The following WWC1 variants were observed in gnomAD, a reference collection of about 807,000 sequenced individuals.
WWC1 encodes the protein protein KIBRA.
WWC1 carries 55 observed loss-of-function variants against 138.4 expected under a neutral mutation model. That is an observed-to-expected ratio of 0.40 (90% CI 0.32 to 0.50). The LOEUF (loss-of-function observed/expected upper bound fraction) is 0.50. Ranked by LOEUF, WWC1 falls within the 20% of genes least tolerant of loss-of-function variation. The pLI, the probability that WWC1 is intolerant of heterozygous loss-of-function variation, is 0.72. For synonymous variants in WWC1, 524 were observed against 564.9 expected (o/e 0.93, Z 1.03); for missense variants, 1,226 against 1,420.4 (o/e 0.86, Z 2.20).
intron 1 of WWC1, among the ~76,000 whole-genome samples, chr5:168,300,133 T>C (rs534320166): frequency 9.5e-6 from 1 of 105,344 alleles, no homozygotes; most frequent in East Asian, 4.2e-4. Context: ...TGCACACCTT[T>C]AGGTAGAACA....
chr5:168,292,085 G>A lies in WWC1; in HGVS notation c.-68G>A. On this transcript the variant is annotated 5_prime_UTR_variant, in exon 1 of 23. Coordinates refer to ENST00000265293, the MANE Select transcript of WWC1 (RefSeq NM_015238.3). The surrounding 1 kb of genome is among the most constrained non-coding windows in gnomAD (Gnocchi z 4.4). ...GCGGCCGCCCGGGCTAAGAGCGGCCGGCTGGAGCCGCTGAGCCCCCGCTGC... is the reference window on the plus strand; with the variant it reads ...GCGGCCGCCCGGGCTAAGAGCGGCCAGCTGGAGCCGCTGAGCCCCCGCTGC... 2.1e-6 allele frequency: 3 copies of A among 1,442,774 alleles called. No homozygotes were observed. Among genetic ancestry groups the A allele is most frequent in the Non-Finnish European group, 2.7e-6 (3 of 1,101,416 alleles). The allele number at this position is 1,442,774 out of a possible 1,614,324, so 89.4% of individuals were successfully genotyped here.
At chr5:168,329,041 G>A (rs1312931619) in intron 1 of WWC1, among the ~76,000 whole-genome samples, 3 of 152,200 alleles carry the variant, frequency 2.0e-5, no homozygotes, top group South Asian at 2.1e-4. Context: ...GGTGGATGTC[G>A]TTGCTCTTTC....
chr5:168,403,072 T>C (rs1219600029), intron 5 of WWC1, among the ~76,000 whole-genome samples: 4 of 140,642 alleles, frequency 2.8e-5, no homozygotes, highest in Middle Eastern at 3.5e-3. Flanking sequence ...CTTTCTTTCT[T>C]TCTTTCTTTT....
chr5:168,437,417 C>A (rs1325475594), intron 15 of WWC1, among the ~76,000 whole-genome samples: 1 of 152,156 alleles, frequency 6.6e-6, no homozygotes, highest in Non-Finnish European at 1.5e-5. Context: ...GCAACTATTT[C>A]TCTTTCTTGG....
intron 21 of WWC1, among the ~76,000 whole-genome samples, chr5:168,467,300 TTCTG>T (rs1338673535): frequency 2.0e-5 from 3 of 152,290 alleles, no homozygotes; most frequent in East Asian, 1.9e-4. Flanking sequence ...TTTACCAAAA[TTCTG>T]TCTTTGTGCA....
intron 3 of WWC1, among the ~76,000 whole-genome samples, chr5:168,389,458 A>G (rs1378907609): frequency 6.6e-6 from 1 of 151,180 alleles, no homozygotes; most frequent in Admixed American, 6.6e-5. Context: ...CTCAAAAAAA[A>G]AAAAAAAGAA....
At chr5:168,335,135 T>A (rs1773351617) in intron 1 of WWC1, among the ~76,000 whole-genome samples, 1 of 152,156 alleles carries the variant, frequency 6.6e-6, no homozygotes, top group Non-Finnish European at 1.5e-5. Flanking sequence ...AAAAGTCACT[T>A]CTAAGTCACT....
At chr5:168,367,433 G>A (rs1203477992) in intron 1 of WWC1, among the ~76,000 whole-genome samples, 3 of 151,584 alleles carry the variant, frequency 2.0e-5, no homozygotes, top group African/African-American at 2.4e-5. Flanking sequence ...CCGGGTTCAC[G>A]CCATTCTCCT....
chr5:168,309,311 C>T (rs979424925), intron 1 of WWC1, among the ~76,000 whole-genome samples: 4 of 152,136 alleles, frequency 2.6e-5, no homozygotes, highest in African/African-American at 7.2e-5. Flanking sequence ...AGACAAGCAC[C>T]GCAAACAACA....
intron 11 of WWC1, among the ~76,000 whole-genome samples, chr5:168,425,519 G>A (rs1400383881): frequency 6.9e-6 from 1 of 144,206 alleles, no homozygotes; most frequent in Non-Finnish European, 1.5e-5. Context: ...TTGAGATGGA[G>A]TCTCACTCTG....
intron 2 of WWC1, among the ~76,000 whole-genome samples, chr5:168,371,788 G>A (rs1226961419): frequency 6.6e-6 from 1 of 152,104 alleles, no homozygotes; most frequent in South Asian, 2.1e-4. Context: ...TTTTATGGGG[G>A]CAGCCACTGT....
intron 3 of WWC1, among the ~76,000 whole-genome samples, chr5:168,387,406 A>G (rs1778126637): frequency 6.6e-6 from 1 of 152,184 alleles, no homozygotes; most frequent in Admixed American, 6.5e-5. Flanking sequence ...AGGATCTCAG[A>G]GGTTATAGAA....
At chr5:168,411,281 G>A (rs1343029961) in intron 8 of WWC1, among the ~76,000 whole-genome samples, 1 of 152,040 alleles carries the variant, frequency 6.6e-6, no homozygotes, top group African/African-American at 2.4e-5. Context: ...GAATGCCCTG[G>A]GCATTGTGGT....
intron 1 of WWC1, among the ~76,000 whole-genome samples, chr5:168,367,045 G>T (rs565161278): frequency 6.6e-6 from 1 of 151,782 alleles, no homozygotes; most frequent in Non-Finnish European, 1.5e-5. Flanking sequence ...TGATCCACCC[G>T]CCTCAGCCTC....
intron 1 of WWC1, among the ~76,000 whole-genome samples, chr5:168,296,038 G>A (rs532014389): frequency 1.3e-5 from 2 of 152,248 alleles, no homozygotes; most frequent in Non-Finnish European, 2.9e-5. Flanking sequence ...CCTTGGAGCC[G>A]TGCTCCTTTT....
intron 11 of WWC1, 127 bp downstream of exon 11, chr5:168,424,195 G>A (rs1781342053): frequency 1.7e-6 from 2 of 1,205,930 alleles, no homozygotes; most frequent in African/African-American, 1.5e-5. Flanking sequence ...GTCTTTGTAT[G>A]GCAAGTATAT....
intron 1 of WWC1, among the ~76,000 whole-genome samples, chr5:168,313,356 C>T (rs1008478780): frequency 1.3e-5 from 2 of 151,922 alleles, no homozygotes; most frequent in African/African-American, 4.8e-5. Context: ...TTTGGGAGGC[C>T]GAGATGGGTG....
intron 1 of WWC1, among the ~76,000 whole-genome samples, chr5:168,293,950 G>C (rs1769295216): frequency 6.6e-6 from 1 of 152,128 alleles, no homozygotes. Context: ...CTACTGTGTT[G>C]GTGAACTTGG....
intron 12 of WWC1, 43 bp downstream of exon 12, chr5:168,428,184 A>C (rs1158347210): frequency 4.4e-6 from 7 of 1,580,424 alleles, no homozygotes; most frequent in African/African-American, 1.3e-5. Context: ...CCTGTAAGCC[A>C]TGAACTCTGA....
Sources: gnomAD v4.1 joint callset for allele counts (sites outside exome capture counted in the v4.1 genomes callset) on GRCh38, gnomAD v4.1.1 for gene constraint, Gnocchi (gnomAD v3.1) non-coding constraint, MANE v1.5 for transcripts, NCBI Gene and HGNC (gene_info 2026-07-23, HGNC 2026-07-21) for gene names.